Variants in DPYSL5 observed in about 807,000 individuals in gnomAD.
DPYSL5 encodes dihydropyrimidinase like 5.
A neutral mutation model predicts 58.4 loss-of-function variants in DPYSL5; 9 were observed. The ratio of observed to expected loss-of-function variants is 0.15; its 90% CI spans 0.09 to 0.27. The LOEUF is 0.27. DPYSL5 is among the 10% of genes least tolerant of loss of function. The pLI is 1.00. For missense variants in DPYSL5, 499 were observed against 770.6 expected, an observed-to-expected ratio of 0.65 and a Z score of 4.17; for synonymous variants, 293 against 301.9, an observed-to-expected ratio of 0.97 and a Z score of 0.31.
rs1664798065 is a variant in DPYSL5, at chr2:26,925,140, C to A, written c.420+95C>A. On this transcript the variant is annotated intron_variant, in intron 3 of 12. Transcript: ENST00000288699. The surrounding 1 kb of genome is among the most constrained non-coding windows in gnomAD (Gnocchi z 4.5). ...CAGTGCCTCCTGCTTGTGTGGGGCA[C>A]CCCTCCCACTACCATCCTAGCTCCC... 2 of 1,468,426 alleles carry A rather than the reference C, an allele frequency of 1.4e-6. No individual in the cohort carries two copies. The highest frequency in any genetic ancestry group is 1.4e-5 in the African/African-American group (1 of 71,828). The allele number at this position is 1,468,426 out of a possible 1,614,324, so 91.0% of individuals were successfully genotyped here.
At chr2:26,863,022 T>C (rs559998352) in intron 1 of DPYSL5, among the ~76,000 whole-genome samples, 1 of 152,246 alleles carries the variant, frequency 6.6e-6, no homozygotes, top group East Asian at 1.9e-4. Flanking sequence ...ATCTGACACA[T>C]GCACTCTGAG....
intron 12 of DPYSL5, among the ~76,000 whole-genome samples, chr2:26,946,365 C>T (rs114201768): frequency 1.2e-3 from 186 of 152,046 alleles, no homozygotes; most frequent in Admixed American, 3.3e-3. Context: ...CTGGGCTCTC[C>T]GGGGCACTAG....
Position 26,925,516 on chromosome 2 carries a change from G to A in DPYSL5, c.420+471G>A, listed in dbSNP as rs1367488846. ...GTACTGTCTGGAATGAAAGGAATGT[G>A]GTATGCTTTTTTCCTACTGGGGGCC... is the stretch of plus-strand genomic sequence containing the variant. On this transcript the variant is annotated intron_variant, in intron 3 of 12. Transcript: ENST00000288699. The surrounding 1 kb of genome is among the most constrained non-coding windows in gnomAD (Gnocchi z 4.5). Among the ~76,000 whole-genome samples, 1 of 152,214 alleles carries A rather than the reference G, an allele frequency of 6.6e-6. No individual in the cohort carries two copies. The highest frequency in any genetic ancestry group is 1.9e-4 in the East Asian group (1 of 5,192).
chr2:26,892,790 A>G (rs1240092440), intron 1 of DPYSL5, among the ~76,000 whole-genome samples: 1 of 151,218 alleles, frequency 6.6e-6, no homozygotes, highest in Non-Finnish European at 1.5e-5. Flanking sequence ...AGAGAGAGAG[A>G]GAGAATGCAT....
chr2:26,856,662 A>G (rs1199335486), intron 1 of DPYSL5, among the ~76,000 whole-genome samples: 1 of 152,002 alleles, frequency 6.6e-6, no homozygotes, highest in Non-Finnish European at 1.5e-5. Flanking sequence ...TCAGGGATAC[A>G]CACATGTTCT....
rs1460184765 is a variant in DPYSL5, at chr2:26,924,844, G to T, written c.262-43G>T. ...GTCTCACCACATCATTGACTCGGGG[G>T]CAGGCAGGGCTGTGACGAGACTGCC... On this transcript the variant is annotated intron_variant, in intron 2 of 12. Transcript: ENST00000288699. The surrounding 1 kb of genome is among the most constrained non-coding windows in gnomAD (Gnocchi z 4.7). The T allele has an allele frequency of 1.3e-6, 2 of 1,594,596 alleles. No homozygotes were observed. Among genetic ancestry groups the T allele is most frequent in the Admixed American group, 1.7e-5 (1 of 58,740 alleles).
At chr2:26,881,378 A>G in intron 1 of DPYSL5, among the ~76,000 whole-genome samples, 1 of 152,190 alleles carries the variant, frequency 6.6e-6, no homozygotes. Context: ...CCTGTGGCAC[A>G]GTGCTTCCTG....
intron 1 of DPYSL5, among the ~76,000 whole-genome samples, chr2:26,869,835 T>C (rs973001629): frequency 6.6e-6 from 1 of 151,912 alleles, no homozygotes; most frequent in Non-Finnish European, 1.5e-5. Flanking sequence ...CACGGTGAAA[T>C]GCCGTCTCTA....
chr2:26,905,262 C>T lies in DPYSL5; in HGVS notation c.261+6502C>T, dbSNP rs1287663933. On this transcript the variant is annotated intron_variant, in intron 2 of 12. Transcript: ENST00000288699. This position sits in a 1 kb window ranked among gnomAD's most constrained non-coding sequence, Gnocchi z 4.0. ...GCGCCTTAGAGCTAAACAGTTTTTACTATGTATAAATGGTGTTTGTAAGGA... is the reference window on the plus strand; with the variant it reads ...GCGCCTTAGAGCTAAACAGTTTTTATTATGTATAAATGGTGTTTGTAAGGA... 6.6e-6 allele frequency among the ~76,000 whole-genome samples: 1 copy of T among 152,158 alleles called. No homozygotes were observed. Among genetic ancestry groups the T allele is most frequent in the Non-Finnish European group, 1.5e-5 (1 of 68,026 alleles).
chr2:26,879,662 A>G (rs1168674496), intron 1 of DPYSL5, among the ~76,000 whole-genome samples: 1 of 152,168 alleles, frequency 6.6e-6, no homozygotes, highest in African/African-American at 2.4e-5. Flanking sequence ...CCCCGGACAC[A>G]TGCAGTCAGT....
At position 26,934,832 on chromosome 2, in the gene DPYSL5, TG is replaced by T; in HGVS notation, c.947+99del. On this transcript the variant is annotated intron_variant, in intron 8 of 12. Coordinates refer to ENST00000288699, the MANE Select transcript of DPYSL5 (RefSeq NM_020134.4). The surrounding 1 kb of genome is among the most constrained non-coding windows in gnomAD (Gnocchi z 4.3). ...AAATCTGAGCTAGGTTTGATTTCAT[TG>T]TGCCCATAGGATCATTGTGCTTTTC... 6.8e-7 allele frequency: 1 copy of T among 1,479,058 alleles called. No individual in the cohort carries two copies. Among genetic ancestry groups the T allele is most frequent in the Non-Finnish European group, 9.2e-7 (1 of 1,081,958 alleles). The allele number at this position is 1,479,058 out of a possible 1,614,324, so 91.6% of individuals were successfully genotyped here. A position where few individuals can be genotyped will look rare whatever the true frequency, so the allele number is the denominator to read the frequency against.
rs188255357 is a variant in DPYSL5, at chr2:26,859,388, T to C, written c.-5+11134T>C. ...TTCCAAATGTTTTTGGCATAGGGGG[T>C]ACAATTCTATCTATAGTACCTGATA... On this transcript the variant is annotated intron_variant, in intron 1 of 12. Coordinates refer to ENST00000288699, the MANE Select transcript of DPYSL5 (RefSeq NM_020134.4). Among the ~76,000 whole-genome samples, 21 of 152,014 alleles carry C rather than the reference T, an allele frequency of 1.4e-4. No homozygotes were observed. In the East Asian group the frequency reaches 4.1e-3, roughly 29 times the overall value.
intron 5 of DPYSL5, among the ~76,000 whole-genome samples, chr2:26,928,704 T>TATATACACACACACACACAC: frequency 3.2e-5 from 2 of 62,990 alleles, no homozygotes; most frequent in East Asian, 6.2e-4. Flanking sequence ...TATATATATA[T>TATATACACACACACACACAC]ACACACACAC....
Position 26,928,333 on chromosome 2 carries a change from A to G in DPYSL5, c.669+10A>G. 2 of 1,613,602 alleles carry G rather than the reference A, an allele frequency of 1.2e-6. No homozygotes were observed. The highest frequency in any genetic ancestry group is 1.3e-5 in the African/African-American group (1 of 74,986). ...CAGCCGTCCAGAGGAGGTGAGAAAC[A>G]CTTCCTGTAGCCTTTGTCAGCGTCT... is the stretch of plus-strand genomic sequence containing the variant. On this transcript the variant is annotated intron_variant, in intron 5 of 12. Transcript: ENST00000288699.
intron 12 of DPYSL5, among the ~76,000 whole-genome samples, chr2:26,946,247 A>C (rs998006218): frequency 1.3e-5 from 2 of 152,066 alleles, no homozygotes; most frequent in African/African-American, 4.8e-5. Flanking sequence ...CCTGAGAGCC[A>C]AGACTGGGCA....
chr2:26,887,527 C>G (rs1471645968), intron 1 of DPYSL5, among the ~76,000 whole-genome samples: 3 of 152,234 alleles, frequency 2.0e-5, no homozygotes, highest in South Asian at 4.1e-4. Flanking sequence ...AGGACTAAAA[C>G]TGTGTACCTT....
chr2:26,866,538 A>G (rs1225659871), intron 1 of DPYSL5, among the ~76,000 whole-genome samples: 1 of 152,068 alleles, frequency 6.6e-6, no homozygotes, highest in Non-Finnish European at 1.5e-5. Flanking sequence ...TTGTTAAAAA[A>G]TGAGGCTTAG....
At chr2:26,853,363 A>T (rs1240878850) in intron 1 of DPYSL5, among the ~76,000 whole-genome samples, 1 of 152,226 alleles carries the variant, frequency 6.6e-6, no homozygotes, top group African/African-American at 2.4e-5. Flanking sequence ...ATTTTGTGCA[A>T]CTTGGAACCA....
At chr2:26,908,769 T>C (rs1397908387) in intron 2 of DPYSL5, among the ~76,000 whole-genome samples, 1 of 152,242 alleles carries the variant, frequency 6.6e-6, no homozygotes, top group Non-Finnish European at 1.5e-5. Flanking sequence ...TGCTTTATGC[T>C]GTCATCCACT....
Sources: allele counts gnomAD v4.1 joint callset (sites outside exome capture counted in the v4.1 genomes callset), GRCh38; gene constraint gnomAD v4.1.1; non-coding constraint Gnocchi (gnomAD v3.1); transcripts MANE v1.5; gene names NCBI Gene and HGNC (gene_info 2026-07-23, HGNC 2026-07-21).